The following WWTR1 variants were observed in gnomAD, a reference collection of about 807,000 sequenced individuals.
WWTR1 encodes the protein WW domain-containing transcription regulator protein 1.
A neutral mutation model predicts 40.1 loss-of-function variants in WWTR1; 13 were observed. The ratio of observed to expected loss-of-function variants is 0.32; its 90% CI spans 0.21 to 0.52. The LOEUF (loss-of-function observed/expected upper bound fraction) is 0.52. Ranked by LOEUF, WWTR1 falls within the 20% of genes least tolerant of loss-of-function variation. The pLI, the probability that WWTR1 is intolerant of heterozygous loss-of-function variation, is 0.97. For synonymous variants in WWTR1, 230 were observed against 210.1 expected, an observed-to-expected ratio of 1.09 and a Z score of -0.82; for missense variants, 436 against 523.1, an observed-to-expected ratio of 0.83 and a Z score of 1.63.
intron 2 of WWTR1, among the ~76,000 whole-genome samples, chr3:149,582,747 AAAAT>A (rs1418579687): frequency 2.0e-5 from 3 of 152,130 alleles, no homozygotes; most frequent in Non-Finnish European, 4.4e-5. Flanking sequence ...ATAATAAAAT[AAAAT>A]AAATAAAAGA....
chr3:149,709,662 T>G (rs1364288493), intron 5 of WWTR1, among the ~76,000 whole-genome samples: 4 of 152,144 alleles, frequency 2.6e-5, no homozygotes, highest in African/African-American at 4.8e-5. Flanking sequence ...CCCAGCATTT[T>G]GGGAGGCTGA....
intron 3 of WWTR1, among the ~76,000 whole-genome samples, chr3:149,569,319 A>G (rs540062371): frequency 6.6e-6 from 1 of 152,350 alleles, no homozygotes; most frequent in South Asian, 2.1e-4. Context: ...ATTTTTTGCC[A>G]TAAAAATAAT....
intron 2 of WWTR1, among the ~76,000 whole-genome samples, chr3:149,663,216 G>C (rs1008514005): frequency 4.0e-5 from 6 of 151,836 alleles, no homozygotes; most frequent in Non-Finnish European, 8.8e-5. Context: ...ATTTTTAGTA[G>C]AGATGGGGTT....
intron 3 of WWTR1, among the ~76,000 whole-genome samples, chr3:149,544,500 T>G (rs915610239): frequency 6.6e-6 from 1 of 152,110 alleles, no homozygotes; most frequent in African/African-American, 2.4e-5. Flanking sequence ...TTTTTATGAG[T>G]GGCTTATGGA....
rs74770120 is a variant in WWTR1, at chr3:149,596,703, C to T, written c.432-23703G>A. Among the ~76,000 whole-genome samples, 674 of 152,328 alleles carry T rather than the reference C, an allele frequency of 4.4e-3. 22 individuals carry two copies. In the East Asian group the frequency reaches 0.094, roughly 21 times the overall value. The stretch of plus-strand genomic sequence containing the variant: ...ATGTTGCATAACAGATAATGATGTG[C>T]GCAATGGCGAATCTTGTTTGAAGGT... On this transcript the variant is annotated intron_variant, in intron 2 of 6. Transcript: ENST00000360632.
chr3:149,537,591 T>C (rs564393971), intron 4 of WWTR1, among the ~76,000 whole-genome samples: 89 of 152,354 alleles, frequency 5.8e-4, no homozygotes, highest in African/African-American at 2.1e-3. Context: ...ATTATTCTTT[T>C]TGTTTACATA....
At chr3:149,623,532 C>T (rs1281175508) in intron 2 of WWTR1, among the ~76,000 whole-genome samples, 4 of 152,182 alleles carry the variant, frequency 2.6e-5, no homozygotes, top group African/African-American at 7.2e-5. Context: ...AGGCATCCCA[C>T]ATCATTTAAG....
chr3:149,588,370 A>G (rs1738528632), intron 2 of WWTR1, among the ~76,000 whole-genome samples: 1 of 152,210 alleles, frequency 6.6e-6, no homozygotes, highest in South Asian at 2.1e-4. Flanking sequence ...ATGTTAGAGA[A>G]ATAAATGATC....
chr3:149,592,206 T>C (rs1309316019), intron 2 of WWTR1, among the ~76,000 whole-genome samples: 5 of 152,244 alleles, frequency 3.3e-5, no homozygotes, highest in Non-Finnish European at 5.9e-5. Flanking sequence ...TACATATGCA[T>C]ATAAAAGATT....
upstream of WWTR1, among the ~76,000 whole-genome samples, chr3:149,659,134 G>T (rs1384417944): frequency 6.6e-6 from 1 of 152,154 alleles, no homozygotes; most frequent in Non-Finnish European, 1.5e-5. Flanking sequence ...CCACTGAGGG[G>T]AAAGGGTGGG....
At chr3:149,718,313 CAGAT>C (rs1303489396) in intron 4 of WWTR1, among the ~76,000 whole-genome samples, 1 of 152,104 alleles carries the variant, frequency 6.6e-6, no homozygotes, top group Admixed American at 6.5e-5. Flanking sequence ...GAAAAGGAAA[CAGAT>C]AGTAGAAAGC....
At chr3:149,616,444 CTT>C (rs570202828) in intron 2 of WWTR1, among the ~76,000 whole-genome samples, 3 of 145,134 alleles carry the variant, frequency 2.1e-5, no homozygotes, top group African/African-American at 2.5e-5. Context: ...CTCTCTCTCT[CTT>C]TTTTTTTTTT....
At chr3:149,652,090 G>A (rs539725163) in intron 2 of WWTR1, among the ~76,000 whole-genome samples, 4 of 145,522 alleles carry the variant, frequency 2.7e-5, no homozygotes, top group East Asian at 2.1e-4. Flanking sequence ...TGATCCGCCC[G>A]CCTCGGCCTC....
rs1042410442 is a variant in WWTR1 at position 149,722,455 on chromosome 3, T to A, written n.459+1625A>T. 2.0e-5 allele frequency among the ~76,000 whole-genome samples: 3 copies of A among 152,196 alleles called. No individual in the cohort carries two copies. The East Asian group carries it at 5.8e-4, about 29-fold the overall frequency. On this transcript the variant is annotated intron_variant and non_coding_transcript_variant, in intron 4 of 6. Coordinates refer to the WWTR1 transcript ENST00000474080. ...CTGTGTTCCATAAGTTTGGGTATCA[T>A]GTGTGTTCATTTTCATTTGTCTCTA...
intron 2 of WWTR1, among the ~76,000 whole-genome samples, chr3:149,604,457 C>T (rs1321836791): frequency 6.6e-6 from 1 of 152,186 alleles, no homozygotes; most frequent in Non-Finnish European, 1.5e-5. Flanking sequence ...AGGTTTTACT[C>T]TTAGGGTTCT....
At chr3:149,606,342 T>A (rs529493795) in intron 2 of WWTR1, among the ~76,000 whole-genome samples, 168 of 152,314 alleles carry the variant, frequency 1.1e-3, no homozygotes, top group African/African-American at 3.9e-3. Flanking sequence ...ATGCCCTGGG[T>A]TTCTCTAAGG....
intron 6 of WWTR1, chr3:149,525,746 G>T: frequency 4.3e-6 from 1 of 232,694 alleles, no homozygotes; most frequent in Non-Finnish European, 8.1e-6. Flanking sequence ...CATTTTTACA[G>T]ACACTCGGGA....
At chr3:149,688,514 T>C (rs1427612249) in intron 1 of WWTR1, among the ~76,000 whole-genome samples, 2 of 152,158 alleles carry the variant, frequency 1.3e-5, no homozygotes, top group African/African-American at 4.8e-5. Flanking sequence ...CCAGTTCTTA[T>C]CTAAGACTAC....
intron 1 of WWTR1, among the ~76,000 whole-genome samples, chr3:149,676,895 C>T (rs1001570373): frequency 1.3e-5 from 2 of 151,352 alleles, no homozygotes; most frequent in African/African-American, 4.9e-5. Context: ...ATCCACCCTC[C>T]TCAGTCAACT....
Sources: allele counts gnomAD v4.1 joint callset (sites outside exome capture counted in the v4.1 genomes callset), GRCh38; gene constraint gnomAD v4.1.1; transcripts MANE v1.5; gene names NCBI Gene and HGNC (gene_info 2026-07-23, HGNC 2026-07-21).